Variants in PDE6A observed in about 807,000 individuals in gnomAD.
PDE6A encodes rod cGMP-specific 3',5'-cyclic phosphodiesterase subunit alpha.
Under a neutral mutation model 106.3 loss-of-function variants are expected in PDE6A, and 84 were observed. The ratio of observed to expected loss-of-function variants is 0.79; its 90% confidence interval spans 0.66 to 0.95. PDE6A has a LOEUF of 0.95. PDE6A is among the 40% of genes least tolerant of loss of function. The pLI is 0.00. For missense variants in PDE6A, 1,052 were observed against 1,084.9 expected (o/e 0.97, Z 0.43); for synonymous variants, 394 against 386.6 (o/e 1.02, Z -0.23).
rs1216752537 is a variant in PDE6A, at chr5:149,875,985, T to C, written c.2135+7444A>G. ...GTACATGTATGTGCATATGTGTTTC[T>C]GTATATATATGTGTGTGTGTACACT... On this transcript the variant is annotated intron_variant, in intron 17 of 21. Transcript: ENST00000255266. Among the ~76,000 whole-genome samples the C allele has an allele frequency of 2.0e-5, 3 of 152,242 alleles. No individual in the cohort carries two copies. The East Asian group carries it at 5.8e-4, about 29-fold the overall frequency.
intron 5 of PDE6A, among the ~76,000 whole-genome samples, chr5:149,919,320 A>G (rs149659602): frequency 6.6e-6 from 1 of 152,198 alleles, no homozygotes; most frequent in African/African-American, 2.4e-5. Flanking sequence ...CAGCCTGGCC[A>G]ACATAGTGAA....
chr5:149,924,294 C>T (rs1753813743), intron 4 of PDE6A, among the ~76,000 whole-genome samples: 1 of 152,074 alleles, frequency 6.6e-6, no homozygotes, highest in African/African-American at 2.4e-5. Flanking sequence ...ATTGGCCTGA[C>T]ACCTCATGTG....
chr5:149,919,078 A>G (rs942634364), intron 5 of PDE6A, among the ~76,000 whole-genome samples: 1 of 152,114 alleles, frequency 6.6e-6, no homozygotes, highest in African/African-American at 2.4e-5. Flanking sequence ...CCTTCTTGAC[A>G]TCTTTGTCTT....
intron 4 of PDE6A, among the ~76,000 whole-genome samples, chr5:149,928,860 A>G (rs150328441): frequency 6.6e-6 from 1 of 152,340 alleles, no homozygotes; most frequent in Non-Finnish European, 1.5e-5. Context: ...ACTTCAAAAA[A>G]TAATACATCC....
intron 17 of PDE6A, among the ~76,000 whole-genome samples, chr5:149,872,604 G>T (rs139809809): frequency 6.6e-6 from 1 of 152,150 alleles, no homozygotes; most frequent in Admixed American, 6.5e-5. Context: ...AAGCATTCCA[G>T]CCTTCCTCTT....
intron 3 of PDE6A, among the ~76,000 whole-genome samples, chr5:149,931,794 A>G (rs1198054849): frequency 6.6e-6 from 1 of 152,214 alleles, no homozygotes; most frequent in Admixed American, 6.5e-5. Context: ...GAGGCAAAAG[A>G]TGAATTCCTT....
chr5:149,897,335 T>A (rs1752793079), intron 10 of PDE6A, among the ~76,000 whole-genome samples: 1 of 152,224 alleles, frequency 6.6e-6, no homozygotes, highest in Admixed American at 6.5e-5. Flanking sequence ...ACCCAGTTAC[T>A]TGCTCCTGAT....
chr5:149,924,549 C>T (rs1199360815), intron 4 of PDE6A, among the ~76,000 whole-genome samples: 1 of 151,882 alleles, frequency 6.6e-6, no homozygotes, highest in Non-Finnish European at 1.5e-5. Flanking sequence ...TTATACTACT[C>T]AAATGAATGA....
intron 17 of PDE6A, among the ~76,000 whole-genome samples, chr5:149,882,780 G>A (rs529586137): frequency 1.6e-4 from 25 of 152,202 alleles, no homozygotes; most frequent in African/African-American, 4.6e-4. Context: ...AATTCGGGCC[G>A]GGCATGATGG....
In PDE6A at chr5:149,934,587, G is replaced by A; in HGVS notation, c.606C>T (p.His202=). The A allele has an allele frequency of 6.2e-7, 1 of 1,614,184 alleles. No homozygotes were observed. Among genetic ancestry groups the A allele is most frequent in the Non-Finnish European group, 8.5e-7 (1 of 1,180,004 alleles). The stretch of plus-strand genomic sequence containing the variant: ...TTACCTCTTCATCTCTCTTGGTGAA[G>A]TGGGATCCATCCACTTTATTCACAG... ...IMAVNKVDGS[H]FTKRDEEILL... The change falls in exon 2 of 22, where the codon CAC becomes CAT. Residue 202 remains histidine, a synonymous_variant. Transcript: ENST00000255266.
At chr5:149,940,338 C>T (rs1439987168) in intron 1 of PDE6A, among the ~76,000 whole-genome samples, 1 of 152,092 alleles carries the variant, frequency 6.6e-6, no homozygotes, top group African/African-American at 2.4e-5. Flanking sequence ...ATGAGTCCTC[C>T]GGAAAGTCTC....
At chr5:149,865,800 A>G (rs1760311306) in intron 20 of PDE6A, among the ~76,000 whole-genome samples, 1 of 152,256 alleles carries the variant, frequency 6.6e-6, no homozygotes, top group Non-Finnish European at 1.5e-5. Flanking sequence ...CCAACTTTGA[A>G]TAAGAGCTCA....
At position 149,907,361 on chromosome 5, in the gene PDE6A, T is replaced by C. The variant is rs755174137; in HGVS notation, c.1016A>G (p.His339Arg). 2 of 1,613,934 alleles carry C rather than the reference T, an allele frequency of 1.2e-6. No homozygotes were observed. Among genetic ancestry groups the C allele is most frequent in the Non-Finnish European group, 1.7e-6 (2 of 1,179,920 alleles). Reference sequence around the variant, plus strand: ...TGGGAGACCGCTTACTAAAGCCCAATGGTCAGGAGGTGGATTCCTGTGAAG... The same window carrying C: ...TGGGAGACCGCTTACTAAAGCCCAACGGTCAGGAGGTGGATTCCTGTGAAG... ...IKVIPNPPPD[H>R]WALVSGLPAY... Residue 339 changes from histidine (H) to arginine (R), a missense_variant, in exon 7 of 22, where the codon CAT becomes CGT. Around this residue, in one of 3 missense-constraint regions of PDE6A, gnomAD observed 913 missense variants for 915.2 expected, o/e 1.00. Transcript: ENST00000255266.
chr5:149,935,977 T>C (rs1235602220), intron 1 of PDE6A, among the ~76,000 whole-genome samples: 1 of 152,052 alleles, frequency 6.6e-6, no homozygotes. Context: ...CATAGCAATA[T>C]CTTGTATCTA....
At chr5:149,867,913 C>T in intron 18 of PDE6A, 114 bp from the exon 19 acceptor site, 1 of 1,146,404 alleles carries the variant, frequency 8.7e-7, no homozygotes, top group Non-Finnish European at 1.3e-6. Context: ...CCCATCCCTG[C>T]CCTGCCACCC....
At chr5:149,900,260 G>T (rs1421481503) in intron 8 of PDE6A, among the ~76,000 whole-genome samples, 1 of 151,402 alleles carries the variant, frequency 6.6e-6, no homozygotes, top group Non-Finnish European at 1.5e-5. Context: ...TACTCGGGAG[G>T]CTGAGATGGG....
At chr5:149,903,270 G>T (rs1183213852) in intron 8 of PDE6A, among the ~76,000 whole-genome samples, 1 of 149,732 alleles carries the variant, frequency 6.7e-6, no homozygotes, top group African/African-American at 2.4e-5. Context: ...ATGAAACTTT[G>T]GAGCTTTTGT....
chr5:149,867,997 G>A (rs1037760781), intron 18 of PDE6A, 98 bp downstream of exon 18: 2 of 1,253,554 alleles, frequency 1.6e-6, no homozygotes, highest in Non-Finnish European at 2.3e-6. Flanking sequence ...GGACACAGGT[G>A]AGCTGGTTCT....
intron 20 of PDE6A, among the ~76,000 whole-genome samples, chr5:149,864,337 C>G (rs1313297386): frequency 2.6e-5 from 4 of 152,014 alleles, no homozygotes; most frequent in African/African-American, 9.7e-5. Flanking sequence ...CTCCCAGGTT[C>G]AAGTGATTCT....
Sources: allele counts gnomAD v4.1 joint callset (sites outside exome capture counted in the v4.1 genomes callset), GRCh38; gene constraint gnomAD v4.1.1; regional missense constraint gnomAD v4.1.1; transcripts MANE v1.5; gene names NCBI Gene and HGNC (gene_info 2026-07-23, HGNC 2026-07-21).